The following KAZN variants were observed in gnomAD, a reference collection of about 807,000 sequenced individuals.
KAZN encodes kazrin.
Under a neutral mutation model 87.4 loss-of-function variants are expected in KAZN, and 40 were observed. The ratio of observed to expected loss-of-function variants is 0.46; its 90% CI spans 0.36 to 0.60. KAZN has a LOEUF of 0.60. Ranked by LOEUF, KAZN falls within the 20% of genes least tolerant of loss-of-function variation. The pLI, the probability that KAZN is intolerant of heterozygous loss-of-function variation, is 0.00. For synonymous variants in KAZN, 466 were observed against 458.3 expected (o/e 1.02, Z -0.22); for missense variants, 898 against 1,073.9 (o/e 0.84, Z 2.29).
At chr1:14,098,137 C>T (rs1264927924) in intron 1 of KAZN, among the ~76,000 whole-genome samples, 1 of 152,134 alleles carries the variant, frequency 6.6e-6, no homozygotes, top group East Asian at 1.9e-4. Flanking sequence ...AGCTCTTCCC[C>T]TTGCCTTGTG....
chr1:14,349,955 C>T (rs547167760), intron 2 of KAZN, among the ~76,000 whole-genome samples: 23 of 151,762 alleles, frequency 1.5e-4, no homozygotes, highest in Non-Finnish European at 2.8e-4. Context: ...GCCAACATGG[C>T]GAAAACCCGT....
intron 2 of KAZN, among the ~76,000 whole-genome samples, chr1:14,471,920 T>A (rs1451271124): frequency 6.6e-6 from 1 of 152,234 alleles, no homozygotes; most frequent in East Asian, 1.9e-4. Context: ...TATTAGTCTC[T>A]TACCCGCTGC....
chr1:13,906,434 T>C (rs7543809), intron 1 of KAZN, among the ~76,000 whole-genome samples: 28,760 of 152,036 alleles, frequency 0.19, 2,956 homozygotes, highest in South Asian at 0.35. Flanking sequence ...GCGTAGGTGC[T>C]TATAGGTGTG....
chr1:14,453,013 T>G (rs6671785), intron 2 of KAZN, among the ~76,000 whole-genome samples: 41,663 of 152,078 alleles, frequency 0.27, 6,709 homozygotes, highest in Middle Eastern at 0.46. Context: ...TGGAGTGCAG[T>G]GGCGCAATCT....
chr1:14,945,535 T>G (rs2101667188), intron 1 of KAZN, among the ~76,000 whole-genome samples: 1 of 151,960 alleles, frequency 6.6e-6, no homozygotes, highest in Admixed American at 6.5e-5. Context: ...CTGTCCTCCC[T>G]CCCTGCCCCC....
At chr1:14,375,043 T>A (rs1277021410) in intron 2 of KAZN, among the ~76,000 whole-genome samples, 1 of 152,198 alleles carries the variant, frequency 6.6e-6, no homozygotes. Flanking sequence ...GGCTTGGGAA[T>A]CTGTTGCAGC....
At chr1:14,941,807 C>A (rs1661112323) in intron 1 of KAZN, among the ~76,000 whole-genome samples, 1 of 152,164 alleles carries the variant, frequency 6.6e-6, no homozygotes, top group Non-Finnish European at 1.5e-5. Context: ...CAAAGAAGGA[C>A]CAGAGAGCTG....
At chr1:14,723,494 G>A (rs926518) in intron 1 of KAZN, among the ~76,000 whole-genome samples, 120,306 of 152,164 alleles carry the variant, frequency 0.79, 48,131 homozygotes, top group Middle Eastern at 0.93. Flanking sequence ...AGTTTAACAC[G>A]AGGGAGCAGT....
intron 1 of KAZN, among the ~76,000 whole-genome samples, chr1:13,910,298 G>A (rs1639603929): frequency 6.6e-6 from 1 of 152,008 alleles, no homozygotes; most frequent in Admixed American, 6.6e-5. Context: ...CACGAGGTCA[G>A]GAGATCGAGA....
At chr1:13,985,473 G>T (rs1013599403) in intron 1 of KAZN, among the ~76,000 whole-genome samples, 1 of 143,516 alleles carries the variant, frequency 7.0e-6, no homozygotes, top group East Asian at 2.1e-4. Context: ...ACCAAACACC[G>T]CATATTCTCA....
In KAZN at chr1:14,841,166, C is replaced by G. The variant is rs984913577; in HGVS notation, c.227-119518C>G. Among the ~76,000 whole-genome samples the G allele has an allele frequency of 3.3e-5, 5 of 151,842 alleles. No homozygotes were observed. The East Asian group carries it at 9.7e-4, about 29-fold the overall frequency. ...GGTGTGGTGGCTCACGCTTGTAATC[C>G]CAGCACTTTGGGAGGCCAAGGCGGG... is the stretch of plus-strand genomic sequence containing the variant. On this transcript the variant is annotated intron_variant, in intron 1 of 14. Transcript: ENST00000376030.
At chr1:14,033,212 T>TG (rs1641402310) in intron 1 of KAZN, among the ~76,000 whole-genome samples, 1 of 152,110 alleles carries the variant, frequency 6.6e-6, no homozygotes, top group African/African-American at 2.4e-5. Flanking sequence ...GATGAGGAAG[T>TG]TTGACAGCCA....
At chr1:14,915,168 C>T (rs984846276) in intron 1 of KAZN, among the ~76,000 whole-genome samples, 8 of 152,082 alleles carry the variant, frequency 5.3e-5, no homozygotes, top group Non-Finnish European at 1.2e-4. Context: ...GCCTGGGCAA[C>T]AAGAGCGAAA....
intron 2 of KAZN, among the ~76,000 whole-genome samples, chr1:14,488,169 C>T (rs1669448718): frequency 6.6e-6 from 1 of 152,204 alleles, no homozygotes; most frequent in African/African-American, 2.4e-5. Flanking sequence ...GAGGCCCAGA[C>T]TTAAGACTCT....
intron 4 of KAZN, among the ~76,000 whole-genome samples, chr1:15,049,897 G>A (rs945934750): frequency 2.2e-4 from 34 of 152,018 alleles, no homozygotes; most frequent in Admixed American, 5.9e-4. Context: ...GATGGCAGGC[G>A]CCTGTAATCC....
chr1:14,048,828 T>C (rs960918303), intron 1 of KAZN, among the ~76,000 whole-genome samples: 1 of 152,184 alleles, frequency 6.6e-6, no homozygotes, highest in Non-Finnish European at 1.5e-5. Flanking sequence ...TAGTTCTAGA[T>C]CCCTGAGGAA....
intron 1 of KAZN, among the ~76,000 whole-genome samples, chr1:14,804,206 C>A (rs1646131676): frequency 6.6e-6 from 1 of 152,174 alleles, no homozygotes; most frequent in Non-Finnish European, 1.5e-5. Flanking sequence ...GTCTTTATTG[C>A]AAGGAAGAGA....
At chr1:14,740,285 CTG>C (rs1444077587) in intron 1 of KAZN, among the ~76,000 whole-genome samples, 1 of 152,166 alleles carries the variant, frequency 6.6e-6, no homozygotes, top group Admixed American at 6.5e-5. Flanking sequence ...GATGCACAGG[CTG>C]TGTTTCTGGG....
chr1:14,975,570 ATAAT>A (rs941314332), intron 2 of KAZN, among the ~76,000 whole-genome samples: 15 of 152,344 alleles, frequency 9.8e-5, no homozygotes, highest in African/African-American at 3.6e-4. Flanking sequence ...TAAGGTATAT[ATAAT>A]TAATAAAGTT....
Sources: allele counts gnomAD v4.1 joint callset (sites outside exome capture counted in the v4.1 genomes callset), GRCh38; gene constraint gnomAD v4.1.1; transcripts MANE v1.5; gene names NCBI Gene and HGNC (gene_info 2026-07-23, HGNC 2026-07-21).